Variants in FAM184B observed in about 807,000 individuals in gnomAD.
FAM184B encodes protein FAM184B.
Under a neutral mutation model 135.9 loss-of-function variants are expected in FAM184B, and 111 were observed. The ratio of observed to expected loss-of-function variants is 0.82; its 90% CI spans 0.70 to 0.96. The LOEUF is 0.96. FAM184B is among the 40% of genes least tolerant of loss of function. The pLI is 0.00. For missense variants in FAM184B, 1,375 were observed against 1,323.9 expected (o/e 1.04, Z -0.60); for synonymous variants, 552 against 524.8 (o/e 1.05, Z -0.71).
intron 3 of FAM184B, among the ~76,000 whole-genome samples, chr4:17,706,972 G>A (rs1455607442): frequency 6.6e-6 from 1 of 152,190 alleles, no homozygotes; most frequent in African/African-American, 2.4e-5. Flanking sequence ...ATTTTTAGTA[G>A]AGACAGGTTT....
intron 14 of FAM184B, among the ~76,000 whole-genome samples, chr4:17,638,134 C>CTTTTTTT (rs56926847): frequency 5.2e-4 from 38 of 73,398 alleles, no homozygotes; most frequent in Non-Finnish European, 7.2e-4. Flanking sequence ...TAACTGTTTG[C>CTTTTTTT]TTTTTTTTTT....
chr4:17,647,534 C>A, intron 12 of FAM184B, 103 bp downstream of exon 12: 11 of 1,365,448 alleles, frequency 8.1e-6, no homozygotes, highest in Non-Finnish European at 1.1e-5. Flanking sequence ...CAAGTGTGAG[C>A]CACTGCACTC....
Position 17,629,524 on chromosome 4 carries a change from AAC to A in FAM184B, c.*3006_*3007del, listed in dbSNP as rs752836319. ...CCATTTTTACCTACCCCAATTACAA[AAC>A]AGTTTGCTTTCATGTGGAACAGATA... On this transcript the variant is annotated 3_prime_UTR_variant, in exon 18 of 18. Transcript: ENST00000265018. 3.9e-5 allele frequency: 6 copies of A among 152,210 alleles called. No homozygotes were observed. The highest frequency in any genetic ancestry group is 7.2e-5 in the African/African-American group (3 of 41,442). 9.4% of individuals were successfully genotyped at this position (152,210 alleles called of 1,614,324 possible). A position where few individuals can be genotyped will look rare whatever the true frequency, so the allele number is the denominator to read the frequency against.
At chr4:17,703,802 A>G (rs1717044525) in intron 5 of FAM184B, among the ~76,000 whole-genome samples, 1 of 151,746 alleles carries the variant, frequency 6.6e-6, no homozygotes, top group Non-Finnish European at 1.5e-5. Flanking sequence ...GTGGTGGCAC[A>G]TGCCTGTGGT....
chr4:17,760,408 T>A (rs1718518852), intron 1 of FAM184B, among the ~76,000 whole-genome samples: 1 of 150,934 alleles, frequency 6.6e-6, no homozygotes, highest in Admixed American at 6.6e-5. Context: ...AGGCGGAGGT[T>A]GCAGTGAGCC....
chr4:17,776,443 C>G (rs934525103), intron 1 of FAM184B, among the ~76,000 whole-genome samples: 7 of 152,146 alleles, frequency 4.6e-5, no homozygotes, highest in Non-Finnish European at 8.8e-5. Context: ...GGCTGGAGTG[C>G]AATGGCACGA....
chr4:17,727,369 G>A (rs1717665342), intron 1 of FAM184B, among the ~76,000 whole-genome samples: 1 of 152,224 alleles, frequency 6.6e-6, no homozygotes, highest in Non-Finnish European at 1.5e-5. Context: ...CTCAAGCAGT[G>A]TGAACTTAGG....
intron 12 of FAM184B, among the ~76,000 whole-genome samples, chr4:17,646,671 C>T (rs1715476114): frequency 1.3e-5 from 2 of 152,058 alleles, no homozygotes; most frequent in Non-Finnish European, 2.9e-5. Flanking sequence ...ATGGCACATG[C>T]ACACATATGT....
At chr4:17,644,365 C>T (rs944868483) in intron 12 of FAM184B, among the ~76,000 whole-genome samples, 4 of 152,182 alleles carry the variant, frequency 2.6e-5, no homozygotes, top group Non-Finnish European at 2.9e-5. Context: ...AATCCAGCAG[C>T]ACATCAAAAA....
intron 12 of FAM184B, 45 bp downstream of exon 12, chr4:17,647,592 C>T (rs976555669): frequency 3.8e-5 from 58 of 1,524,268 alleles, no homozygotes; most frequent in Non-Finnish European, 5.1e-5. Context: ...GGCCCTGATG[C>T]TGCTCTGGGA....
At chr4:17,703,826 G>A (rs182175977) in intron 5 of FAM184B, among the ~76,000 whole-genome samples, 1 of 151,814 alleles carries the variant, frequency 6.6e-6, no homozygotes, top group Non-Finnish European at 1.5e-5. Context: ...AGCTACTTGG[G>A]AGGCTGAGGC....
rs1716734319 is a variant in FAM184B at position 17,691,492 on chromosome 4, C to A, written c.1488+1810G>T. 2.0e-5 allele frequency among the ~76,000 whole-genome samples: 3 copies of A among 151,844 alleles called. No homozygotes were observed. The South Asian group carries it at 6.2e-4, about 32-fold the overall frequency. ...CCTGAGCTCAGGAGTTCGCGACCAGCCTGGGCAACACGGTGAAACCCCGTC... is the reference window on the plus strand; with the variant it reads ...CCTGAGCTCAGGAGTTCGCGACCAGACTGGGCAACACGGTGAAACCCCGTC... On this transcript the variant is annotated intron_variant, in intron 6 of 17. Transcript: ENST00000265018.
At chr4:17,726,362 T>C (rs1717638838) in intron 1 of FAM184B, among the ~76,000 whole-genome samples, 1 of 152,036 alleles carries the variant, frequency 6.6e-6, no homozygotes, top group Admixed American at 6.6e-5. Context: ...ATGATGTCTT[T>C]TTGTTTTCTT....
At chr4:17,696,859 G>A (rs1382852728) in intron 5 of FAM184B, among the ~76,000 whole-genome samples, 9 of 145,128 alleles carry the variant, frequency 6.2e-5, no homozygotes, top group Non-Finnish European at 1.2e-4. Context: ...TAAATAAATA[G>A]TAAAAGGGTG....
chr4:17,634,933 T>TATA, intron 16 of FAM184B, 76 bp downstream of exon 16: 3 of 1,000,532 alleles, frequency 3.0e-6, no homozygotes, highest in Non-Finnish European at 4.4e-6. Context: ...AGCCCTTAAA[T>TATA]AACCTGTGGT....
chr4:17,669,134 T>C (rs1716117136), intron 7 of FAM184B, among the ~76,000 whole-genome samples: 1 of 152,236 alleles, frequency 6.6e-6, no homozygotes, highest in African/African-American at 2.4e-5. Flanking sequence ...CTGTTTGACA[T>C]GAACTGGTCA....
intron 1 of FAM184B, among the ~76,000 whole-genome samples, chr4:17,743,216 A>G (rs2108984340): frequency 6.6e-6 from 1 of 152,232 alleles, no homozygotes; most frequent in East Asian, 1.9e-4. Flanking sequence ...AGGTGTAAGT[A>G]TCTATGTGGG....
intron 1 of FAM184B, among the ~76,000 whole-genome samples, chr4:17,758,920 T>C (rs1577292066): frequency 6.6e-6 from 1 of 151,798 alleles, no homozygotes; most frequent in African/African-American, 2.4e-5. Flanking sequence ...TAAAAGATGA[T>C]TGGGAAAGGT....
chr4:17,660,266 T>C (rs2302389), intron 8 of FAM184B, among the ~76,000 whole-genome samples, 179 bp from the exon 9 acceptor site: 84,979 of 151,918 alleles, frequency 0.56, 24,950 homozygotes, highest in East Asian at 0.72. Flanking sequence ...TGTATTATTG[T>C]ACTTAGGATA....
Sources: gnomAD v4.1 joint callset for allele counts (sites outside exome capture counted in the v4.1 genomes callset) on GRCh38, gnomAD v4.1.1 for gene constraint, MANE v1.5 for transcripts, NCBI Gene and HGNC (gene_info 2026-07-23, HGNC 2026-07-21) for gene names.